Variants in DMD observed in about 807,000 individuals in gnomAD.
The protein encoded by DMD is dystrophin, also known as mutant dystrophin.
Under a neutral mutation model 330.1 loss-of-function variants are expected in DMD, and 63 were observed. That is an observed-to-expected ratio of 0.19 (90% CI 0.16 to 0.24). The LOEUF is 0.24. Among genes scored for constraint, DMD ranks in the 10% least tolerant of loss-of-function variants. The probability of loss-of-function intolerance (pLI) is 1.00; values close to 1 mark genes in which losing one functional copy is unlikely to be tolerated. For missense variants in DMD, 3,344 were observed against 2,684.1 expected (o/e 1.25, Z -5.43); for synonymous variants, 1,223 against 959.8 (o/e 1.27, Z -5.07).
chrX:32,133,279 T>A (rs1050342103), intron 44 of DMD, among the ~76,000 whole-genome samples: 2 of 110,576 alleles, frequency 1.8e-5, no homozygotes, highest in Non-Finnish European at 3.8e-5. Context: ...GTACTAGGAT[T>A]ACAGGTGTGA....
At position 33,053,627 on chromosome X, in the gene DMD, G is replaced by GA. The variant is rs538177523; in HGVS notation, c.32-33428dup. ...AGAAAAGAAAGAAAGAAAACAAAAA[G>GA]AAAAAAAAATAGTTACTGTGGGATG... On this transcript the variant is annotated intron_variant, in intron 1 of 78. Transcript: ENST00000357033. Among the ~76,000 whole-genome samples, 13 of 107,975 alleles carry GA rather than the reference G, an allele frequency of 1.2e-4. No homozygotes were observed. In the South Asian group the frequency reaches 2.8e-3, roughly 23 times the overall value. 93.8% of individuals were successfully genotyped at this position (107,975 alleles called of 115,157 possible).
Position 32,935,297 on chromosome X carries a change from A to C in DMD, c.93+84842T>G, listed in dbSNP as rs12556382. On this transcript the variant is annotated intron_variant, in intron 2 of 78. Transcript: ENST00000357033. ...CCGGCCTCCCTGACAGTTTTTAAAAATGAAGTTTTATTAGACTCACTCACA... is the reference window on the plus strand; with the variant it reads ...CCGGCCTCCCTGACAGTTTTTAAAACTGAAGTTTTATTAGACTCACTCACA... Among the ~76,000 whole-genome samples the C allele has an allele frequency of 0.011, 1,290 of 112,407 alleles. 59 individuals are homozygous for C. In the East Asian group the frequency reaches 0.19, roughly 17 times the overall value.
chrX:32,447,066 TG>T (rs749752884), intron 27 of DMD, among the ~76,000 whole-genome samples: 1 of 110,748 alleles, frequency 9.0e-6, no homozygotes, highest in African/African-American at 3.3e-5. Flanking sequence ...ATGAACAACA[TG>T]AATAATAGGG....
chrX:32,281,356 T>C lies in DMD; in HGVS notation c.6290+6173A>G, dbSNP rs147702024. On this transcript the variant is annotated intron_variant, in intron 43 of 78. Coordinates refer to ENST00000357033, the MANE Select transcript of DMD (RefSeq NM_004006.3). ...GTATGCTTTTCCTAAAGCTACACCT[T>C]CTTTATTAAAACAATTATGATTTAT... Among the ~76,000 whole-genome samples, 398 of 112,622 alleles carry C rather than the reference T, an allele frequency of 3.5e-3. 1 individual carries two copies. The highest frequency in any genetic ancestry group is 0.012 in the African/African-American group (371 of 31,102).
chrX:31,954,292 C>T (rs1453002598), intron 45 of DMD, among the ~76,000 whole-genome samples: 1 of 111,425 alleles, frequency 9.0e-6, no homozygotes, highest in African/African-American at 3.3e-5. Context: ...ACTTTCATTT[C>T]TTCTCCTCCT....
intron 9 of DMD, among the ~76,000 whole-genome samples, chrX:32,680,884 G>A (rs183359108): frequency 9.0e-6 from 1 of 111,180 alleles, no homozygotes; most frequent in Admixed American, 9.6e-5. Flanking sequence ...ATTTGAGACG[G>A]GAGTGGGGGT....
intron 62 of DMD, among the ~76,000 whole-genome samples, chrX:31,308,362 T>C (rs1603341532): frequency 8.9e-6 from 1 of 111,776 alleles, no homozygotes; most frequent in African/African-American, 3.2e-5. Context: ...CTTTCAAAGA[T>C]TTATAGTTTA....
intron 41 of DMD, among the ~76,000 whole-genome samples, chrX:32,318,428 G>T (rs1420820364): frequency 9.0e-6 from 1 of 111,611 alleles, no homozygotes; most frequent in African/African-American, 3.2e-5. Flanking sequence ...ATAATGGCAT[G>T]ACAATAACAG....
chrX:31,320,259 G>C (rs1047143423), intron 62 of DMD, among the ~76,000 whole-genome samples: 3 of 112,422 alleles, frequency 2.7e-5, no homozygotes, highest in African/African-American at 9.7e-5. Flanking sequence ...TTGCAAACTA[G>C]AGCAAAAGAT....
chrX:31,140,583 T>C (rs1052866637), intron 76 of DMD, among the ~76,000 whole-genome samples: 1 of 112,261 alleles, frequency 8.9e-6, no homozygotes, highest in Non-Finnish European at 1.9e-5. Context: ...ATTTCACACA[T>C]AAATTCTGTG....
At position 32,545,266 on chromosome X, in the gene DMD, C is replaced by T; in HGVS notation, c.2061G>A (p.Thr687=). 3.3e-6 allele frequency: 4 copies of T among 1,210,529 alleles called. No homozygotes were observed. The highest frequency in any genetic ancestry group is 1.7e-5 in the African/African-American group (1 of 57,674). ...TQTTVMETVT[T]VTTREQILVK... ...CCAGGATCTGTTCCCTTGTGGTCAC[C>T]GTAGTTACTGTTTCCATTACAGTTG... The change falls in exon 17 of 79, where the codon ACG becomes ACA. Residue 687 remains threonine (T), a synonymous_variant. Coordinates refer to ENST00000357033, the MANE Select transcript of DMD (RefSeq NM_004006.3).
chrX:33,247,572 T>C (rs1482949623), intron 1 of DMD, among the ~76,000 whole-genome samples: 1 of 111,823 alleles, frequency 8.9e-6, no homozygotes, highest in Non-Finnish European at 1.9e-5. Flanking sequence ...ATTATTATTA[T>C]CATTGTTGTT....
chrX:33,285,051 G>C (rs777596779), intron 1 of DMD, among the ~76,000 whole-genome samples: 6 of 111,056 alleles, frequency 5.4e-5, no homozygotes, highest in African/African-American at 2.0e-4. Context: ...TTTGGTTCAC[G>C]TAAGGACCTA....
At chrX:32,799,537 C>A (rs768299938) in intron 7 of DMD, among the ~76,000 whole-genome samples, 10 of 110,265 alleles carry the variant, frequency 9.1e-5, no homozygotes, top group Non-Finnish European at 1.7e-4. Flanking sequence ...AAGAGAACAT[C>A]CTCACTTTGT....
chrX:31,648,617 CAAAAAAAAAAAAAAAAAAAAAAAAAAA>C lies in DMD; in HGVS notation c.8027+9346_8027+9372del, dbSNP rs548846514. Among the ~76,000 whole-genome samples the C allele has an allele frequency of 2.1e-3, 39 of 18,991 alleles. 1 individual carries two copies. The South Asian group carries it at 0.058, about 28-fold the overall frequency. 16.5% of individuals were successfully genotyped at this position (18,991 alleles called of 115,157 possible). ...TTCCCTACGGGGTGAAAGGGAGCTG[CAAAAAAAAAAAAAAAAAAAAAAAAAAA>C]AAAAAAAAAAAAAAAAAAAATCTGC... On this transcript the variant is annotated intron_variant, in intron 54 of 78. Transcript: ENST00000357033.
intron 45 of DMD, among the ~76,000 whole-genome samples, chrX:31,934,378 G>A (rs143413465): frequency 0.041 from 4,517 of 111,530 alleles, 78 homozygotes; most frequent in Non-Finnish European, 0.064. Flanking sequence ...TCTGTTCTGG[G>A]ACACGTAAAG....
intron 10 of DMD, 72 bp from the exon 11 acceptor site, chrX:32,644,385 T>C: frequency 9.2e-7 from 1 of 1,090,337 alleles, no homozygotes; most frequent in Non-Finnish European, 1.3e-6. Context: ...GTTTTATTTG[T>C]TTGCAGTTTT....
chrX:31,783,575 A>T (rs2091134377), intron 50 of DMD, among the ~76,000 whole-genome samples: 1 of 111,254 alleles, frequency 9.0e-6, no homozygotes, highest in Non-Finnish European at 1.9e-5. Flanking sequence ...ACAGGGTCTC[A>T]ATCAAAATTT....
Position 32,432,593 on chromosome X carries a change from T to G in DMD, c.4071+5648A>C, listed in dbSNP as rs187726874. On this transcript the variant is annotated intron_variant, in intron 29 of 78. Coordinates refer to ENST00000357033, the MANE Select transcript of DMD (RefSeq NM_004006.3). The stretch of plus-strand genomic sequence containing the variant: ...CTGTGAAGTAAGCTAATCAAATCTA[T>G]TTCATAAAGCAAATGTGGGATTTAA... Among the ~76,000 whole-genome samples the G allele has an allele frequency of 1.6e-3, 176 of 112,090 alleles. 1 individual carries two copies. Among genetic ancestry groups the G allele is most frequent in the African/African-American group, 5.6e-3 (174 of 30,898 alleles).
Sources: allele counts gnomAD v4.1 joint callset (sites outside exome capture counted in the v4.1 genomes callset), GRCh38; gene constraint gnomAD v4.1.1; transcripts MANE v1.5; gene names NCBI Gene and HGNC (gene_info 2026-07-23, HGNC 2026-07-21).